CCT2: variants seen among roughly 807,000 people sequenced by gnomAD.
The protein encoded by CCT2 is T-complex protein 1 subunit beta.
A neutral mutation model predicts 61.8 loss-of-function variants in CCT2; 18 were observed. That is an observed-to-expected ratio of 0.29 (90% confidence interval 0.20 to 0.43). CCT2 has a LOEUF of 0.43. Ranked by LOEUF, CCT2 falls within the 20% of genes least tolerant of loss-of-function variation. The pLI is 1.00. For synonymous variants in CCT2, 248 were observed against 215.9 expected (o/e 1.15, Z -1.30); for missense variants, 556 against 656.9 (o/e 0.85, Z 1.68).
intron 1 of CCT2, 162 bp downstream of exon 1, chr12:69,585,686 C>G: frequency 6.6e-7 from 1 of 1,510,506 alleles, no homozygotes; most frequent in South Asian, 1.3e-5. Context: ...TGCGCCAGGC[C>G]AGCCGGTGGA....
rs547336360 is a variant in CCT2 at position 69,593,932 on chromosome 12, G to A, written c.982+319G>A. The stretch of plus-strand genomic sequence containing the variant: ...GCAGCCAGATCGCTTGAGCTCAGGA[G>A]TTTCAGACCAACTTTGGCAACATTG... On this transcript the variant is annotated intron_variant, in intron 10 of 15. Coordinates refer to ENST00000299300, the MANE Select transcript of CCT2 (RefSeq NM_006431.3). 2.6e-5 allele frequency among the ~76,000 whole-genome samples: 4 copies of A among 151,768 alleles called. No individual in the cohort carries two copies. In the East Asian group the frequency reaches 5.9e-4, roughly 22 times the overall value.
chr12:69,588,027 C>CT (rs753426508), intron 5 of CCT2, 21 bp downstream of exon 5: 5 of 1,602,380 alleles, frequency 3.1e-6, no homozygotes, highest in South Asian at 1.1e-5. Context: ...CTAAGCAACT[C>CT]TTTTTTCCTA....
intron 9 of CCT2, 149 bp from the exon 10 acceptor site, chr12:69,593,359 GAT>G: frequency 1.6e-6 from 1 of 627,218 alleles, no homozygotes; most frequent in Non-Finnish European, 2.7e-6. Context: ...TACTATAGTT[GAT>G]AAACTCTAAT....
In CCT2 at chr12:69,598,070, T is replaced by C. The variant is rs926983844; in HGVS notation, c.1334T>C (p.Met445Thr). The C allele has an allele frequency of 6.2e-7, 1 of 1,602,678 alleles. No individual in the cohort carries two copies. Among genetic ancestry groups the C allele is most frequent in the South Asian group, 1.1e-5 (1 of 90,384 alleles). Residue 445 changes from methionine to threonine, a missense_variant and splice_region_variant, in exon 13 of 16, where the codon ATG (methionine) becomes ACG (threonine). Around this residue, in one of 3 missense-constraint regions of CCT2, gnomAD observed 225 missense variants for 249.8 expected, o/e 0.90. Coordinates refer to ENST00000299300, the MANE Select transcript of CCT2 (RefSeq NM_006431.3). ...AMESYAKALRMLPTIIADNAG... is the reference protein window; with the variant it reads ...AMESYAKALRTLPTIIADNAG... ...GAGTCTTATGCTAAAGCACTGAGAATGGTAAGTTAATCAAAATGAGAGATC... is the reference window on the plus strand; with the variant it reads ...GAGTCTTATGCTAAAGCACTGAGAACGGTAAGTTAATCAAAATGAGAGATC...
At chr12:69,585,785 C>T in intron 1 of CCT2, 1 of 1,385,282 alleles carries the variant, frequency 7.2e-7, no homozygotes, top group South Asian at 1.7e-5. Context: ...AGGTCCGCGC[C>T]TCACCCGGAG....
chr12:69,599,710 T>C, intron 14 of CCT2, 153 bp from the exon 15 acceptor site: 1 of 536,410 alleles, frequency 1.9e-6, no homozygotes, highest in Non-Finnish European at 3.1e-6. Context: ...TTAAAGGCTT[T>C]CTTTGAGCTC....
chr12:69,596,427 CTT>C (rs1403590270), intron 10 of CCT2, among the ~76,000 whole-genome samples: 1 of 152,150 alleles, frequency 6.6e-6, no homozygotes, highest in Non-Finnish European at 1.5e-5. Flanking sequence ...GGAAACCTGA[CTT>C]TTGCTTAGTT....
At position 69,593,545 on chromosome 12, in the gene CCT2, G is replaced by C; in HGVS notation, c.914G>C (p.Gly305Ala). 6.2e-7 allele frequency: 1 copy of C among 1,612,980 alleles called. No homozygotes were observed. The highest frequency in any genetic ancestry group is 8.5e-7 in the Non-Finnish European group (1 of 1,179,266). ...LIYNYPEQLFGAAGVMAIEHA... is the reference protein window; with the variant it reads ...LIYNYPEQLFAAAGVMAIEHA... ...TATAATTATCCTGAACAGCTCTTTG[G>C]TGCTGCTGGTGTCATGGCTATTGAG... Residue 305 changes from glycine (G) to alanine (A), a missense_variant, in exon 10 of 16, where the codon GGT becomes GCT. Transcript: ENST00000299300.
At chr12:69,598,204 CTG>C in intron 13 of CCT2, 116 bp from the exon 14 acceptor site, 1 of 990,916 alleles carries the variant, frequency 1.0e-6, no homozygotes, top group Non-Finnish European at 1.5e-6. Flanking sequence ...TGAGCAGTAA[CTG>C]AAGCAGATTT....
In CCT2 at chr12:69,597,707, A is replaced by G. The variant is rs1221995928; in HGVS notation, c.1172A>G (p.His391Arg). The change falls in exon 12 of 16, where the codon CAT becomes CGT. Residue 391 changes from histidine to arginine, a missense_variant. By Grantham distance (29) the His-to-Arg change is conservative. Transcript: ENST00000299300. ...QILDEAERSL[H>R]DALCVLAQTV... ...TTAGATGAAGCAGAAAGATCATTGCATGATGCTCTTTGTGTTCTTGCGCAA... is the reference window on the plus strand; with the variant it reads ...TTAGATGAAGCAGAAAGATCATTGCGTGATGCTCTTTGTGTTCTTGCGCAA... 6.2e-7 allele frequency: 1 copy of G among 1,612,082 alleles called. No homozygotes were observed. The highest frequency in any genetic ancestry group is 8.5e-7 in the Non-Finnish European group (1 of 1,178,100).
At chr12:69,593,799 C>G (rs1881906327) in intron 10 of CCT2, among the ~76,000 whole-genome samples, 186 bp downstream of exon 10, 1 of 152,124 alleles carries the variant, frequency 6.6e-6, no homozygotes, top group Admixed American at 6.6e-5. Context: ...TTATATACCA[C>G]ATTTGCCGTA....
At position 69,597,779 on chromosome 12, in the gene CCT2, A is replaced by G. The variant is rs755520143; in HGVS notation, c.1231+13A>G. On this transcript the variant is annotated intron_variant, in intron 12 of 15. Coordinates refer to ENST00000299300, the MANE Select transcript of CCT2 (RefSeq NM_006431.3). ...GTTTATGGAGGAGGTAAGCATTTAG[A>G]AAATGTTGAATATATTTTTAATTTC... 6 of 1,596,864 alleles carry G rather than the reference A, an allele frequency of 3.8e-6. No homozygotes were observed. Among genetic ancestry groups the G allele is most frequent in the Non-Finnish European group, 5.1e-6 (6 of 1,170,328 alleles).
chr12:69,592,494 A>G (rs1354002184), intron 8 of CCT2: 2 of 24,390 alleles, frequency 8.2e-5, no homozygotes, highest in African/African-American at 1.5e-3. Context: ...AAAAGTCTCA[A>G]AAAAAAAAAA....
chr12:69,593,157 T>A (rs1881886853), intron 9 of CCT2, 54 bp downstream of exon 9: 2 of 1,480,326 alleles, frequency 1.4e-6, no homozygotes, highest in South Asian at 2.4e-5. Flanking sequence ...TATGGAATAC[T>A]TCATATTTAC....
chr12:69,597,682 T>C lies in CCT2; in HGVS notation c.1147T>C (p.Leu383=), dbSNP rs775455611. Reference sequence around the variant, plus strand: ...TTTGCGTGGTGCCACTCAACAAATTTTAGATGAAGCAGAAAGATCATTGCA... The same window carrying C: ...TTTGCGTGGTGCCACTCAACAAATTCTAGATGAAGCAGAAAGATCATTGCA... ...IVLRGATQQI[L]DEAERSLHDA... The change falls in exon 12 of 16, where the codon TTA becomes CTA. Residue 383 remains leucine, a synonymous_variant. Coordinates refer to ENST00000299300, the MANE Select transcript of CCT2 (RefSeq NM_006431.3). 6.2e-7 allele frequency: 1 copy of C among 1,613,828 alleles called. No individual in the cohort carries two copies. Among genetic ancestry groups the C allele is most frequent in the South Asian group, 1.1e-5 (1 of 91,066 alleles).
chr12:69,592,431 C>T (rs144981185), intron 8 of CCT2: 2,216 of 201,598 alleles, frequency 0.011, 53 homozygotes, highest in African/African-American at 0.044. Flanking sequence ...TGCACTGAGC[C>T]GAGATTGTGC....
Position 69,585,534 on chromosome 12 carries a change from A to C in CCT2, c.3+10A>C, listed in dbSNP as rs560204523. 1 of 1,570,064 alleles carries C rather than the reference A, an allele frequency of 6.4e-7. No individual in the cohort carries two copies. The highest frequency in any genetic ancestry group is 1.2e-5 in the South Asian group (1 of 85,484). ...ACTCCTCGGAACCATGGTGAGCCTG[A>C]CTCCCCTGCCTCTTGCCCTACCCCT... On this transcript the variant is annotated intron_variant, in intron 1 of 15. Coordinates refer to ENST00000299300, the MANE Select transcript of CCT2 (RefSeq NM_006431.3).
At chr12:69,593,681 T>C (rs1267838473) in intron 10 of CCT2, 68 bp downstream of exon 10, 1 of 910,792 alleles carries the variant, frequency 1.1e-6, no homozygotes, top group Admixed American at 1.9e-5. Context: ...TTTGTTACTA[T>C]ATGCAACTAC....
rs1200580878 is a variant in CCT2 at position 69,592,072 on chromosome 12, TA to T, written c.670del (p.Ile224LeufsTer3). 5.7e-6 allele frequency: 9 copies of T among 1,582,570 alleles called. No individual in the cohort carries two copies. Among genetic ancestry groups the T allele is most frequent in the Non-Finnish European group, 6.9e-6 (8 of 1,151,646 alleles). ...SYLDEGFLLDKKIGVNQPKRI... is the reference protein window; with the variant it reads ...SYLDEGFLLDXKIGVNQPKRI... ...TATTTATTGTAGGCTTCCTGTTGGA[TA>T]AAAAAATTGGAGTAAATCAACCAAA... On this transcript the variant is annotated frameshift_variant, in exon 8 of 16. Coordinates refer to ENST00000299300, the MANE Select transcript of CCT2 (RefSeq NM_006431.3). LOFTEE classifies it high-confidence loss of function.
Sources: gnomAD v4.1 joint callset for allele counts (sites outside exome capture counted in the v4.1 genomes callset) on GRCh38, gnomAD v4.1.1 for gene constraint, gnomAD v4.1.1 regional missense constraint, MANE v1.5 for transcripts, NCBI Gene and HGNC (gene_info 2026-07-23, HGNC 2026-07-21) for gene names.